KIF5C: variants seen among roughly 807,000 people sequenced by gnomAD.
KIF5C encodes kinesin heavy chain isoform 5C.
In KIF5C, 18 loss-of-function variants were observed where a neutral mutation model predicts 125.2. That is an observed-to-expected ratio of 0.14 (90% CI 0.10 to 0.21). KIF5C has a LOEUF of 0.21. Ranked by LOEUF, KIF5C falls within the 10% of genes least tolerant of loss-of-function variation. The probability of loss-of-function intolerance (pLI) is 1.00; values close to 1 mark genes in which losing one functional copy is unlikely to be tolerated. For synonymous variants in KIF5C, 405 were observed against 434.0 expected (o/e 0.93, Z 0.83); for missense variants, 780 against 1,183.8 (o/e 0.66, Z 5.01).
At chr2:148,908,304 C>T (rs147811667) in intron 1 of KIF5C, among the ~76,000 whole-genome samples, 148 of 152,342 alleles carry the variant, frequency 9.7e-4, no homozygotes, top group Non-Finnish European at 1.8e-3. Context: ...ACCTGCCAGG[C>T]TGAGGGTGAA....
intron 25 of KIF5C, among the ~76,000 whole-genome samples, chr2:149,018,341 G>A (rs1682430123): frequency 6.6e-6 from 1 of 152,100 alleles, no homozygotes; most frequent in South Asian, 2.1e-4. Flanking sequence ...CTAGTGCCTG[G>A]CACTGAACAA....
intron 12 of KIF5C, among the ~76,000 whole-genome samples, chr2:148,976,516 C>A (rs1681076268): frequency 6.6e-6 from 1 of 152,030 alleles, no homozygotes; most frequent in Admixed American, 6.5e-5. Context: ...GATCCACCTG[C>A]CTCGGCCTCC....
intron 17 of KIF5C, among the ~76,000 whole-genome samples, 156 bp downstream of exon 17, chr2:148,994,694 T>G (rs1681617119): frequency 6.6e-6 from 1 of 151,898 alleles, no homozygotes; most frequent in South Asian, 2.1e-4. Flanking sequence ...CGATTTCTTT[T>G]CTTTCTTTCT....
chr2:148,918,575 G>T (rs929516850), intron 1 of KIF5C, among the ~76,000 whole-genome samples: 6 of 152,144 alleles, frequency 3.9e-5, no homozygotes, highest in Admixed American at 3.9e-4. Context: ...TAAGGAGACA[G>T]GTAAATGAAT....
At chr2:149,000,679 C>T in intron 20 of KIF5C, 43 bp from the exon 21 acceptor site, 1 of 1,607,746 alleles carries the variant, frequency 6.2e-7, no homozygotes, top group Non-Finnish European at 8.5e-7. Flanking sequence ...GCTGAAATCT[C>T]TGAGTCCCCT....
chr2:148,941,909 G>T, intron 5 of KIF5C, 26 bp from the exon 6 acceptor site: 14 of 1,600,702 alleles, frequency 8.7e-6, no homozygotes, highest in Non-Finnish European at 1.2e-5. Context: ...TTTCTTCTTT[G>T]CCTGCTGTCA....
intron 3 of KIF5C, among the ~76,000 whole-genome samples, chr2:148,932,488 C>A (rs150717648): frequency 0.16 from 25,075 of 152,142 alleles, 3,515 homozygotes; most frequent in African/African-American, 0.38. Flanking sequence ...GTGGACACCA[C>A]CACACAGAAG....
At chr2:148,926,135 A>C (rs1308087426) in intron 2 of KIF5C, among the ~76,000 whole-genome samples, 1 of 152,204 alleles carries the variant, frequency 6.6e-6, no homozygotes, top group African/African-American at 2.4e-5. Flanking sequence ...CCCCAATTCT[A>C]ATCTGAAGAT....
intron 17 of KIF5C, among the ~76,000 whole-genome samples, 195 bp downstream of exon 17, chr2:148,994,733 C>T (rs546126132): frequency 6.9e-4 from 105 of 151,356 alleles, no homozygotes; most frequent in Admixed American, 2.4e-3. Flanking sequence ...GATGGAGTCT[C>T]GCTCTGTTGC....
chr2:148,971,280 CTG>C, intron 11 of KIF5C, among the ~76,000 whole-genome samples: 1 of 139,848 alleles, frequency 7.2e-6, no homozygotes, highest in African/African-American at 2.6e-5. Context: ...GTCTGTCTGT[CTG>C]TCTGTCTGTC....
intron 25 of KIF5C, among the ~76,000 whole-genome samples, chr2:149,021,501 T>A (rs1271812364): frequency 1.3e-5 from 2 of 152,072 alleles, no homozygotes; most frequent in Non-Finnish European, 2.9e-5. Flanking sequence ...AGACTGAGAA[T>A]TTTTCTATTT....
chr2:148,993,390 G>A (rs1405831524), intron 16 of KIF5C, among the ~76,000 whole-genome samples: 1 of 152,208 alleles, frequency 6.6e-6, no homozygotes, highest in African/African-American at 2.4e-5. Context: ...CCATTAGGTG[G>A]AGGTTTGCAC....
intron 1 of KIF5C, among the ~76,000 whole-genome samples, chr2:148,909,785 G>T (rs544430411): frequency 1.3e-5 from 2 of 152,306 alleles, no homozygotes; most frequent in African/African-American, 2.4e-5. Context: ...TTAGATTTTG[G>T]TGGTTCTAGG....
In KIF5C at chr2:149,010,344, C is replaced by T; in HGVS notation, c.2760C>T (p.Ala920=). The T allele has an allele frequency of 6.3e-7, 1 of 1,579,906 alleles. No individual in the cohort carries two copies. The highest frequency in any genetic ancestry group is 8.6e-7 in the Non-Finnish European group (1 of 1,163,710). Residue 920 remains alanine (A), a synonymous_variant, in exon 24 of 26, where the codon GCC becomes GCT. Coordinates refer to ENST00000435030, the MANE Select transcript of KIF5C (RefSeq NM_004522.3). Reference sequence around the variant, plus strand: ...ACATGGCCAGAAGGGCCCATTCAGCCCAGATCGGTACGTGCGTGCACAGTG... The same window carrying T: ...ACATGGCCAGAAGGGCCCATTCAGCTCAGATCGGTACGTGCGTGCACAGTG... ...AKNMARRAHS[A]QIAKPIRPGH...
intron 11 of KIF5C, among the ~76,000 whole-genome samples, chr2:148,967,799 T>A (rs1271682545): frequency 6.6e-6 from 1 of 152,124 alleles, no homozygotes; most frequent in African/African-American, 2.4e-5. Flanking sequence ...AAAATGGAAT[T>A]TTTTTTAAAG....
At chr2:148,893,964 C>T (rs1235681194) in intron 1 of KIF5C, among the ~76,000 whole-genome samples, 1 of 152,146 alleles carries the variant, frequency 6.6e-6, no homozygotes, top group African/African-American at 2.4e-5. Flanking sequence ...CTTCAAGCAA[C>T]TCACTGTTTA....
chr2:148,910,501 T>G (rs1681290708), intron 1 of KIF5C, among the ~76,000 whole-genome samples: 1 of 152,222 alleles, frequency 6.6e-6, no homozygotes, highest in Non-Finnish European at 1.5e-5. Flanking sequence ...CACCCCAGTC[T>G]CTAACTCTGG....
intron 17 of KIF5C, 90 bp downstream of exon 17, chr2:148,994,628 C>A: frequency 7.0e-7 from 1 of 1,425,266 alleles, no homozygotes; most frequent in South Asian, 1.5e-5. Flanking sequence ...TAGTTTCGTT[C>A]AGTTAAAGCA....
chr2:148,963,848 T>C (rs1286109025), intron 11 of KIF5C, among the ~76,000 whole-genome samples: 1 of 152,172 alleles, frequency 6.6e-6, no homozygotes, highest in Non-Finnish European at 1.5e-5. Flanking sequence ...CAGTTCTCCA[T>C]CCCTCATCAA....
Sources: gnomAD v4.1 joint callset for allele counts (sites outside exome capture counted in the v4.1 genomes callset) on GRCh38, gnomAD v4.1.1 for gene constraint, MANE v1.5 for transcripts, NCBI Gene and HGNC (gene_info 2026-07-23, HGNC 2026-07-21) for gene names.